Variants in NEBL observed in about 807,000 individuals in gnomAD.
The protein encoded by NEBL is LIM and SH3 protein 2.
Under a neutral mutation model 140.2 loss-of-function variants are expected in NEBL, and 122 were observed. That is an observed-to-expected ratio of 0.87 (90% CI 0.75 to 1.01). NEBL has a LOEUF of 1.01. Among genes scored for constraint, NEBL ranks in the 50% least tolerant of loss-of-function variants. The probability of loss-of-function intolerance (pLI) is 0.00; values close to 1 mark genes in which losing one functional copy is unlikely to be tolerated. For missense variants in NEBL, 1,365 were observed against 1,231.3 expected (o/e 1.11, Z -1.62); for synonymous variants, 436 against 398.9 (o/e 1.09, Z -1.11).
intron 3 of NEBL, among the ~76,000 whole-genome samples, chr10:20,963,003 A>ACAC (rs1836121875): frequency 1.4e-5 from 2 of 143,210 alleles, no homozygotes; most frequent in South Asian, 2.2e-4. Flanking sequence ...TTGAAAGAAA[A>ACAC]ACACACACAC....
At chr10:20,989,600 G>A (rs1837382937) in intron 3 of NEBL, among the ~76,000 whole-genome samples, 1 of 152,036 alleles carries the variant, frequency 6.6e-6, no homozygotes, top group African/African-American at 2.4e-5. Context: ...TGGCCTTTCT[G>A]GAGAAGAAAA....
At chr10:21,035,073 G>A (rs901450151) in intron 2 of NEBL, among the ~76,000 whole-genome samples, 8 of 151,646 alleles carry the variant, frequency 5.3e-5, no homozygotes, top group African/African-American at 1.7e-4. Flanking sequence ...ATCTCAACTC[G>A]CTGTAACCTC....
intron 2 of NEBL, among the ~76,000 whole-genome samples, chr10:21,079,148 CCTT>C (rs1199962684): frequency 5.3e-5 from 8 of 152,318 alleles, no homozygotes; most frequent in African/African-American, 1.7e-4. Flanking sequence ...CTCTCGGAAA[CCTT>C]CTCTATTAAC....
rs544732623 is a variant in NEBL, at chr10:20,895,748, TTGTGCTTGCCTTC to T, written c.153+1197_153+1209del. On this transcript the variant is annotated intron_variant, in intron 2 of 27. Transcript: ENST00000377122. ...AGGGTATGATTTCCACCAGCATCCT[TTGTGCTTGCCTTC>T]TGGTTTGTCAGAAAGAGCCAGTCAT... Among the ~76,000 whole-genome samples, 745 of 152,300 alleles carry T rather than the reference TTGTGCTTGCCTTC, an allele frequency of 4.9e-3. 3 individuals carry two copies. Among genetic ancestry groups the T allele is most frequent in the African/African-American group, 0.017 (699 of 41,550 alleles).
chr10:20,812,775 TG>T lies in NEBL; in HGVS notation c.2511del (p.Ile838LeufsTer76). On this transcript the variant is annotated frameshift_variant, in exon 24 of 28. Transcript: ENST00000377122. LOFTEE classifies it high-confidence loss of function. ...ACAAACGCCGTCAGCTTACCAACAA[TG>T]ATTCCAGGTCTCCTGTCCATCTCCA... The part of the protein sequence containing the change: ...HIVEMDRRPG[I>X]IVDLKVWRTD... The T allele has an allele frequency of 6.2e-7, 1 of 1,613,896 alleles. No individual in the cohort carries two copies. Among genetic ancestry groups the T allele is most frequent in the Non-Finnish European group, 8.5e-7 (1 of 1,179,870 alleles).
At chr10:20,835,037 C>T (rs762049022) in intron 14 of NEBL, among the ~76,000 whole-genome samples, 2 of 152,136 alleles carry the variant, frequency 1.3e-5, no homozygotes, top group African/African-American at 2.4e-5. Context: ...GTAGAAATTT[C>T]ATGCGTGCTG....
intron 1 of NEBL, among the ~76,000 whole-genome samples, chr10:21,285,519 T>C (rs1263085585): frequency 1.3e-5 from 2 of 152,228 alleles, no homozygotes; most frequent in African/African-American, 4.8e-5. Context: ...TACTGATTGA[T>C]GTCTCACATC....
chr10:21,006,004 C>T (rs564194286), intron 3 of NEBL, among the ~76,000 whole-genome samples: 2 of 152,176 alleles, frequency 1.3e-5, no homozygotes, highest in South Asian at 4.1e-4. Context: ...GATACGCAAA[C>T]GCAGGCACAC....
At chr10:21,036,771 C>T (rs1303287323) in intron 2 of NEBL, among the ~76,000 whole-genome samples, 2 of 152,014 alleles carry the variant, frequency 1.3e-5, no homozygotes, top group Non-Finnish European at 2.9e-5. Flanking sequence ...GAAAGTGAAC[C>T]ATCCGCCTGA....
chr10:21,125,980 T>C, intron 2 of NEBL: 2 of 1,614,200 alleles, frequency 1.2e-6, no homozygotes, highest in Non-Finnish European at 1.7e-6. Flanking sequence ...AGGAGCTGCC[T>C]GGATGGGCGG....
chr10:21,233,569 GAT>G (rs953331745), intron 3 of NEBL, among the ~76,000 whole-genome samples: 1 of 143,686 alleles, frequency 7.0e-6, no homozygotes, highest in African/African-American at 2.5e-5. Context: ...TATAGATATG[GAT>G]ATATATACAC....
At chr10:21,024,870 G>A (rs1349762099) in intron 2 of NEBL, among the ~76,000 whole-genome samples, 1 of 152,084 alleles carries the variant, frequency 6.6e-6, no homozygotes. Flanking sequence ...TAAACTGAGG[G>A]GCTGGTGGTC....
chr10:20,837,644 G>A (rs977632277), intron 13 of NEBL, among the ~76,000 whole-genome samples: 1 of 152,158 alleles, frequency 6.6e-6, no homozygotes, highest in South Asian at 2.1e-4. Flanking sequence ...AGACAAACCA[G>A]CCTTCTATTG....
chr10:20,908,059 C>T (rs150430383), intron 4 of NEBL, among the ~76,000 whole-genome samples: 69 of 152,276 alleles, frequency 4.5e-4, no homozygotes, highest in African/African-American at 1.6e-3. Flanking sequence ...CTGACCTATA[C>T]CAGGTACCGA....
intron 2 of NEBL, among the ~76,000 whole-genome samples, chr10:21,032,209 G>A (rs1021744932): frequency 6.6e-6 from 1 of 152,144 alleles, no homozygotes; most frequent in African/African-American, 2.4e-5. Context: ...GCAGAGCCAG[G>A]AGAATCACCA....
intron 4 of NEBL, among the ~76,000 whole-genome samples, chr10:20,922,096 A>G (rs144865823): frequency 3.1e-4 from 47 of 152,344 alleles, no homozygotes; most frequent in African/African-American, 1.1e-3. Context: ...TGGACACTGT[A>G]TGACAGAGCA....
intron 3 of NEBL, among the ~76,000 whole-genome samples, chr10:20,999,464 T>C (rs1837800887): frequency 6.6e-6 from 1 of 152,098 alleles, no homozygotes; most frequent in Admixed American, 6.5e-5. Flanking sequence ...CCAGGCATAG[T>C]GATGCATGCC....
At chr10:21,163,152 G>A (rs1840623704) in intron 2 of NEBL, among the ~76,000 whole-genome samples, 1 of 152,220 alleles carries the variant, frequency 6.6e-6, no homozygotes, top group Non-Finnish European at 1.5e-5. Context: ...TTAAATGGAA[G>A]TGGATAGAAG....
intron 2 of NEBL, among the ~76,000 whole-genome samples, chr10:21,143,230 C>T (rs1274378107): frequency 6.6e-6 from 1 of 152,074 alleles, no homozygotes; most frequent in African/African-American, 2.4e-5. Context: ...GGGCGGATCA[C>T]TTGAAGTCAG....
Sources: gnomAD v4.1 joint callset for allele counts (sites outside exome capture counted in the v4.1 genomes callset) on GRCh38, gnomAD v4.1.1 for gene constraint, MANE v1.5 for transcripts, NCBI Gene and HGNC (gene_info 2026-07-23, HGNC 2026-07-21) for gene names.